The following SH3GL2 variants were observed in gnomAD, a reference collection of about 807,000 sequenced individuals.
SH3GL2 encodes endophilin-A1.
In SH3GL2, 24 loss-of-function variants were observed where a neutral mutation model predicts 46.0. The ratio of observed to expected loss-of-function variants is 0.52; its 90% CI spans 0.38 to 0.73. The LOEUF (loss-of-function observed/expected upper bound fraction) is 0.73, where lower values mean the gene tolerates loss of function less well. Among genes scored for constraint, SH3GL2 ranks in the 30% least tolerant of loss-of-function variants. The pLI, the probability that SH3GL2 is intolerant of heterozygous loss-of-function variation, is 0.00. For synonymous variants in SH3GL2, 196 were observed against 147.1 expected (o/e 1.33, Z -2.40); for missense variants, 413 against 424.2 (o/e 0.97, Z 0.23).
At chr9:17,630,629 G>A (rs1273803934) in intron 1 of SH3GL2, among the ~76,000 whole-genome samples, 1 of 152,208 alleles carries the variant, frequency 6.6e-6, no homozygotes, top group Non-Finnish European at 1.5e-5. Context: ...TAAGACTTTT[G>A]TGATGGTTAC....
At chr9:17,714,456 C>A (rs760360262) in intron 1 of SH3GL2, among the ~76,000 whole-genome samples, 19 of 151,482 alleles carry the variant, frequency 1.3e-4, no homozygotes, top group Non-Finnish European at 2.7e-4. Context: ...TTTTTCCCTG[C>A]CTTTTTTTGG....
At chr9:17,645,718 C>G (rs955836873) in intron 1 of SH3GL2, among the ~76,000 whole-genome samples, 6 of 152,096 alleles carry the variant, frequency 3.9e-5, no homozygotes, top group Admixed American at 2.6e-4. Context: ...CTTCTGGCTC[C>G]TAGGGTTTCT....
chr9:17,741,400 G>A (rs1283603003), intron 1 of SH3GL2, among the ~76,000 whole-genome samples: 1 of 152,132 alleles, frequency 6.6e-6, no homozygotes, highest in Non-Finnish European at 1.5e-5. Context: ...AATACTAATT[G>A]CAGTTGTAAT....
intron 2 of SH3GL2, among the ~76,000 whole-genome samples, chr9:17,755,169 T>A (rs916063387): frequency 6.6e-6 from 1 of 152,222 alleles, no homozygotes; most frequent in Non-Finnish European, 1.5e-5. Context: ...CCTTAATACC[T>A]AGCTCATTGG....
chr9:17,595,740 A>T (rs2134554362), intron 1 of SH3GL2, among the ~76,000 whole-genome samples: 1 of 152,292 alleles, frequency 6.6e-6, no homozygotes, highest in South Asian at 2.1e-4. Context: ...GGAAACATTC[A>T]TGATTATTGC....
intron 1 of SH3GL2, among the ~76,000 whole-genome samples, chr9:17,710,928 ATAAC>A (rs1290964392): frequency 6.6e-6 from 1 of 151,924 alleles, no homozygotes; most frequent in Non-Finnish European, 1.5e-5. Flanking sequence ...ATTCACAACA[ATAAC>A]TAAAGTAGAA....
intron 3 of SH3GL2, among the ~76,000 whole-genome samples, chr9:17,779,597 G>C (rs17454653): frequency 0.096 from 14,563 of 152,206 alleles, 894 homozygotes; most frequent in Admixed American, 0.15. Context: ...TCCTGGCTTA[G>C]AGTAGACACC....
intron 3 of SH3GL2, among the ~76,000 whole-genome samples, chr9:17,767,366 A>G (rs1823346717): frequency 6.6e-6 from 1 of 152,232 alleles, no homozygotes; most frequent in African/African-American, 2.4e-5. Context: ...CCCTGGAAAG[A>G]TACTCTATTA....
intron 1 of SH3GL2, among the ~76,000 whole-genome samples, chr9:17,644,388 C>A (rs1272574383): frequency 1.3e-5 from 2 of 152,050 alleles, no homozygotes; most frequent in African/African-American, 4.8e-5. Flanking sequence ...TTTGTTTGCT[C>A]TTGCTTCTGT....
At chr9:17,721,323 G>A (rs565594592) in intron 1 of SH3GL2, among the ~76,000 whole-genome samples, 13 of 152,120 alleles carry the variant, frequency 8.5e-5, no homozygotes, top group African/African-American at 2.9e-4. Flanking sequence ...AAGTATAAAC[G>A]AACAAAAGGA....
intron 1 of SH3GL2, among the ~76,000 whole-genome samples, chr9:17,704,655 T>C (rs1458556465): frequency 6.6e-6 from 1 of 151,996 alleles, no homozygotes; most frequent in African/African-American, 2.4e-5. Flanking sequence ...TGATTTTTGA[T>C]AAAGTTGACA....
chr9:17,752,747 G>A (rs547579314), intron 2 of SH3GL2, among the ~76,000 whole-genome samples: 4 of 152,010 alleles, frequency 2.6e-5, no homozygotes, highest in Non-Finnish European at 5.9e-5. Context: ...ACACGTGCAC[G>A]TTTGTTACAT....
chr9:17,624,803 G>A (rs187062865), intron 1 of SH3GL2, among the ~76,000 whole-genome samples: 137 of 152,276 alleles, frequency 9.0e-4, no homozygotes, highest in Non-Finnish European at 1.6e-3. Flanking sequence ...TGGAGAAAGG[G>A]TATAGGCAGT....
At chr9:17,754,305 C>T (rs1000548248) in intron 2 of SH3GL2, among the ~76,000 whole-genome samples, 9 of 152,146 alleles carry the variant, frequency 5.9e-5, no homozygotes, top group Non-Finnish European at 1.2e-4. Context: ...GTCTTCCTAT[C>T]CATGAGCATG....
chr9:17,665,006 C>T (rs558380114), intron 1 of SH3GL2, among the ~76,000 whole-genome samples: 7 of 151,970 alleles, frequency 4.6e-5, no homozygotes, highest in Non-Finnish European at 8.8e-5. Flanking sequence ...ATAAAAGTTC[C>T]ACAGGTAGTG....
intron 1 of SH3GL2, chr9:17,590,337 G>A (rs889834563): frequency 6.6e-6 from 1 of 152,110 alleles, no homozygotes; most frequent in African/African-American, 2.4e-5. Context: ...TTTTCTGGAG[G>A]TGTTCATCAG....
At chr9:17,795,393 CAGT>C (rs766021999) in intron 8 of SH3GL2, 148 bp from the exon 9 acceptor site, 32 of 628,468 alleles carry the variant, frequency 5.1e-5, no homozygotes, top group Admixed American at 1.1e-4. Flanking sequence ...CACTAAGGTC[CAGT>C]AGCAAGAAGA....
At position 17,612,133 on chromosome 9, in the gene SH3GL2, C is replaced by T. The variant is rs73641998; in HGVS notation, c.45+32846C>T. 1.7e-3 allele frequency among the ~76,000 whole-genome samples: 253 copies of T among 152,164 alleles called. 2 individuals carry two copies. Among genetic ancestry groups the T allele is most frequent in the African/African-American group, 5.8e-3 (241 of 41,502 alleles). On this transcript the variant is annotated intron_variant, in intron 1 of 8. Transcript: ENST00000380607. ...TGACCTGTCTGTATGGGGGAAAGTC[C>T]GGCTCTTCAAGGGTGGCATTGCCTG... is the stretch of plus-strand genomic sequence containing the variant.
chr9:17,641,555 A>C (rs1209292432), intron 1 of SH3GL2, among the ~76,000 whole-genome samples: 1 of 152,138 alleles, frequency 6.6e-6, no homozygotes, highest in Non-Finnish European at 1.5e-5. Context: ...CCCGTCATCT[A>C]CATTAGGTAT....
Sources: allele counts gnomAD v4.1 joint callset (sites outside exome capture counted in the v4.1 genomes callset), GRCh38; gene constraint gnomAD v4.1.1; transcripts MANE v1.5; gene names NCBI Gene and HGNC (gene_info 2026-07-23, HGNC 2026-07-21).